KIF21A: variants seen among roughly 807,000 people sequenced by gnomAD.
KIF21A encodes the protein kinesin family member 21A.
KIF21A carries 114 observed loss-of-function variants against 202.9 expected under a neutral mutation model. The ratio of observed to expected loss-of-function variants is 0.56; its 90% CI spans 0.48 to 0.66. The LOEUF (loss-of-function observed/expected upper bound fraction) is 0.66, where lower values mean the gene tolerates loss of function less well. Among genes scored for constraint, KIF21A ranks in the 30% least tolerant of loss-of-function variants. The pLI is 0.00. For missense variants in KIF21A, 1,677 were observed against 1,994.9 expected, an observed-to-expected ratio of 0.84 and a Z score of 3.04; for synonymous variants, 667 against 670.8, an observed-to-expected ratio of 0.99 and a Z score of 0.09.
At chr12:39,313,830 G>A (rs1944259420) in intron 31 of KIF21A, among the ~76,000 whole-genome samples, 1 of 151,868 alleles carries the variant, frequency 6.6e-6, no homozygotes, top group Admixed American at 6.6e-5. Context: ...GGAATGAGGT[G>A]TAGTTTTAGA....
chr12:39,436,448 A>ATATATATATATATATATATATATTTT (rs1387332677), intron 1 of KIF21A, among the ~76,000 whole-genome samples: 95 of 95,650 alleles, frequency 9.9e-4, no homozygotes, highest in Non-Finnish European at 1.6e-3. Flanking sequence ...ATATATATAT[A>ATATATATATATATATATATATATTTT]TTTTTTTTTT....
chr12:39,416,754 T>TATATATGTGTATATATGTAC lies in KIF21A; in HGVS notation c.44+26172_44+26173insGTACATATATACACATATAT, dbSNP rs1566269446. ...ATATATGTGTATATATATATGTACA[T>TATATATGTGTATATATGTAC]ATATATGTGTATATATATATGTACA... On this transcript the variant is annotated intron_variant, in intron 1 of 37. Transcript: ENST00000361418. Among the ~76,000 whole-genome samples the TATATATGTGTATATATGTAC allele has an allele frequency of 6.8e-4, 91 of 133,430 alleles. 6 individuals carry two copies. Among genetic ancestry groups the TATATATGTGTATATATGTAC allele is most frequent in the African/African-American group, 2.6e-3 (90 of 34,740 alleles). 87.5% of individuals were successfully genotyped at this position (133,430 alleles called of 152,430 possible).
chr12:39,307,963 T>G (rs1943639071), intron 33 of KIF21A, among the ~76,000 whole-genome samples: 1 of 152,182 alleles, frequency 6.6e-6, no homozygotes, highest in Non-Finnish European at 1.5e-5. Context: ...AAAATAAGAT[T>G]ACATGGTTTA....
At position 39,304,629 on chromosome 12, in the gene KIF21A, G is replaced by T. The variant is rs111945875; in HGVS notation, c.4560+192C>A. ...AAATGTTTTCCAACCTTTCTTCTAT[G>T]AAAAGTGAGAATGCATGATTGAACA... On this transcript the variant is annotated intron_variant, in intron 35 of 37. Coordinates refer to ENST00000361418, the MANE Select transcript of KIF21A (RefSeq NM_001173464.2). Among the ~76,000 whole-genome samples, 395 of 152,166 alleles carry T rather than the reference G, an allele frequency of 2.6e-3. 3 individuals carry two copies. The highest frequency in any genetic ancestry group is 8.7e-3 in the African/African-American group (361 of 41,522).
Position 39,352,117 on chromosome 12 carries a change from G to A in KIF21A, c.1470-137C>T, listed in dbSNP as rs943691920. The A allele has an allele frequency of 1.9e-4, 129 of 695,388 alleles. 1 individual carries two copies. The highest frequency in any genetic ancestry group is 5.1e-5 in the South Asian group (3 of 58,688). The allele number at this position is 695,388 out of a possible 1,614,324, so 43.1% of individuals were successfully genotyped here. ...AGCAAATCTATATTGTTCTGCAACC[G>A]TCACCACCATCCATCTCCAGAAATT... On this transcript the variant is annotated intron_variant, in intron 10 of 37. Transcript: ENST00000361418.
chr12:39,416,354 G>T (rs1208133979), intron 1 of KIF21A, among the ~76,000 whole-genome samples: 1 of 151,952 alleles, frequency 6.6e-6, no homozygotes, highest in Non-Finnish European at 1.5e-5. Flanking sequence ...CCAACACTTT[G>T]GGAGGCCGAG....
Position 39,330,923 on chromosome 12 carries a change from C to A in KIF21A, c.3154-12G>T, listed in dbSNP as rs372101773. The stretch of plus-strand genomic sequence containing the variant: ...GCAGCCTGAAGACCCTGAAACACAA[C>A]AAAAAATTATCTTAGGTCATACGAA... On this transcript the variant is annotated splice_polypyrimidine_tract_variant and intron_variant, in intron 22 of 37. Transcript: ENST00000361418. 2 of 1,613,448 alleles carry A rather than the reference C, an allele frequency of 1.2e-6. No individual in the cohort carries two copies. The highest frequency in any genetic ancestry group is 8.5e-7 in the Non-Finnish European group (1 of 1,179,610).
At chr12:39,362,951 A>C in intron 7 of KIF21A, 147 bp downstream of exon 7, 1 of 565,330 alleles carries the variant, frequency 1.8e-6, no homozygotes, top group Non-Finnish European at 3.2e-6. Flanking sequence ...AATTATTCAC[A>C]CATTTGAGAT....
At chr12:39,367,195 T>TTGAACAATAAACAAGATAC (rs1565994726) in intron 4 of KIF21A, 31 bp from the exon 5 acceptor site, 2 of 1,612,802 alleles carry the variant, frequency 1.2e-6, no homozygotes, top group South Asian at 2.2e-5. Context: ...AGGACTTTAC[T>TTGAACAATAAACAAGATAC]TGAACAATAA....
Position 39,437,143 on chromosome 12 carries a change from T to G in KIF21A, c.44+5784A>C, listed in dbSNP as rs988999222. On this transcript the variant is annotated intron_variant, in intron 1 of 37. Coordinates refer to ENST00000361418, the MANE Select transcript of KIF21A (RefSeq NM_001173464.2). The stretch of plus-strand genomic sequence containing the variant: ...GGAGAAATTGATGAGAATTGGAAGA[T>G]TGGGCATATTATAGTATTAACTGCT... Among the ~76,000 whole-genome samples, 3 of 152,306 alleles carry G rather than the reference T, an allele frequency of 2.0e-5. No homozygotes were observed. The East Asian group carries it at 5.8e-4, about 29-fold the overall frequency.
rs1202903990 is a variant in KIF21A, at chr12:39,318,824, C to CA, written c.3780-624dup. ...TGAAACCCCGTCCCTACTAAAAATA[C>CA]AAAAAAATTAGCCGGGCGTGGTGGC... On this transcript the variant is annotated intron_variant, in intron 28 of 37. Transcript: ENST00000361418. Among the ~76,000 whole-genome samples, 12 of 151,946 alleles carry CA rather than the reference C, an allele frequency of 7.9e-5. No homozygotes were observed. In the East Asian group the frequency reaches 1.6e-3, roughly 20 times the overall value.
intron 7 of KIF21A, among the ~76,000 whole-genome samples, chr12:39,360,181 G>A (rs1226408072): frequency 6.6e-6 from 1 of 151,676 alleles, no homozygotes; most frequent in African/African-American, 2.4e-5. Flanking sequence ...TTCTATTTAT[G>A]AAAAACTCAA....
intron 33 of KIF21A, 52 bp downstream of exon 33, chr12:39,309,534 A>G: frequency 7.4e-7 from 1 of 1,357,006 alleles, no homozygotes; most frequent in East Asian, 2.4e-5. Context: ...TAAAAAAAAA[A>G]AAAAAAGAAG....
At chr12:39,414,644 A>G (rs1165487108) in intron 1 of KIF21A, among the ~76,000 whole-genome samples, 2 of 152,218 alleles carry the variant, frequency 1.3e-5, no homozygotes, top group Non-Finnish European at 2.9e-5. Flanking sequence ...GGCAGAGAAC[A>G]TTAGGAAAAT....
intron 1 of KIF21A, among the ~76,000 whole-genome samples, chr12:39,432,561 A>G (rs1938088524): frequency 6.6e-6 from 1 of 152,184 alleles, no homozygotes; most frequent in South Asian, 2.1e-4. Context: ...CAGATGGTGT[A>G]TAATATTTAG....
At chr12:39,334,278 A>G (rs1370697501) in intron 17 of KIF21A, among the ~76,000 whole-genome samples, 2 of 152,028 alleles carry the variant, frequency 1.3e-5, no homozygotes, top group African/African-American at 4.8e-5. Context: ...TCTTAATTCC[A>G]GTTCTATCAT....
At position 39,332,580 on chromosome 12, in the gene KIF21A, A is replaced by G; in HGVS notation, c.2856+11T>C. The G allele has an allele frequency of 6.2e-7, 1 of 1,606,110 alleles. No homozygotes were observed. Among genetic ancestry groups the G allele is most frequent in the Non-Finnish European group, 8.5e-7 (1 of 1,178,708 alleles). ...CTAAGGGGGAGCGTATCTACTCTCTATTTTCCACACCTTGAGGAGTCTATT... is the reference window on the plus strand; with the variant it reads ...CTAAGGGGGAGCGTATCTACTCTCTGTTTTCCACACCTTGAGGAGTCTATT... On this transcript the variant is annotated intron_variant, in intron 20 of 37. Coordinates refer to ENST00000361418, the MANE Select transcript of KIF21A (RefSeq NM_001173464.2).
chr12:39,363,268 A>T, intron 6 of KIF21A, 55 bp from the exon 7 acceptor site: 2 of 978,726 alleles, frequency 2.0e-6, no homozygotes, highest in East Asian at 2.5e-5. Context: ...TAATTATAAC[A>T]ATTTTAAATA....
intron 10 of KIF21A, chr12:39,356,465 G>C (rs1412990670): frequency 2.4e-5 from 4 of 166,790 alleles, no homozygotes; most frequent in Non-Finnish European, 5.1e-5. Context: ...CAAAAAATTG[G>C]AGATGATGTG....
Sources: gnomAD v4.1 joint callset for allele counts (sites outside exome capture counted in the v4.1 genomes callset) on GRCh38, gnomAD v4.1.1 for gene constraint, MANE v1.5 for transcripts, NCBI Gene and HGNC (gene_info 2026-07-23, HGNC 2026-07-21) for gene names.